ACVR1: variants seen among roughly 807,000 people sequenced by gnomAD.
The protein encoded by ACVR1 is activin A receptor type 1.
A neutral mutation model predicts 57.1 loss-of-function variants in ACVR1; 38 were observed. The ratio of observed to expected loss-of-function variants is 0.67; its 90% CI spans 0.51 to 0.87. ACVR1 has a LOEUF of 0.87. Ranked by LOEUF, ACVR1 falls within the 40% of genes least tolerant of loss-of-function variation. The probability of loss-of-function intolerance (pLI) is 0.00; values close to 1 mark genes in which losing one functional copy is unlikely to be tolerated. For missense variants in ACVR1, 463 were observed against 638.2 expected (o/e 0.73, Z 2.96); for synonymous variants, 212 against 228.1 (o/e 0.93, Z 0.63).
intron 9 of ACVR1, among the ~76,000 whole-genome samples, chr2:157,741,989 A>G (rs538591226): frequency 1.1e-4 from 16 of 152,164 alleles, no homozygotes; most frequent in Non-Finnish European, 2.1e-4. Context: ...GGGCAAGGAC[A>G]GGAACTGACA....
rs764818005 is a variant in ACVR1, at chr2:157,780,480, A to G, written c.188T>C (p.Phe63Ser). 1.9e-6 allele frequency: 3 copies of G among 1,614,068 alleles called. No homozygotes were observed. The highest frequency in any genetic ancestry group is 2.5e-6 in the Non-Finnish European group (3 of 1,180,040). The change falls in exon 4 of 11, where the codon TTC becomes TCC. Residue 63 changes from phenylalanine (F) to serine (S), a missense_variant. Around this residue, in one of 3 missense-constraint regions of ACVR1, gnomAD observed 203 missense variants for 235.5 expected, o/e 0.86. Transcript: ENST00000434821. ...GAAGCAGCCTTTCTGGTAGACGTGG[A>G]AGCCATCGTTGATGCTCAGTGAGGA... ...CFSSLSINDG[F>S]HVYQKGCFQV...
At chr2:157,867,530 C>T (rs1038087170) in intron 1 of ACVR1, among the ~76,000 whole-genome samples, 3 of 152,212 alleles carry the variant, frequency 2.0e-5, no homozygotes, top group Non-Finnish European at 4.4e-5. Context: ...ACATCTCCCT[C>T]AGACAGACAT....
chr2:157,738,035 A>G (rs1408095446), intron 10 of ACVR1, among the ~76,000 whole-genome samples: 6 of 152,234 alleles, frequency 3.9e-5, no homozygotes, highest in Non-Finnish European at 7.3e-5. Context: ...ACTTATGAGT[A>G]GCAATACAGG....
chr2:157,780,510 C>T lies in ACVR1; in HGVS notation c.158G>A (p.Cys53Tyr). ...GNEDHCEGQQ[C>Y]FSSLSINDGF... ...ATCGTTGATGCTCAGTGAGGAAAAG[C>T]ACTGCTGGCCTTCACAGTGGTCCTC... is the stretch of plus-strand genomic sequence containing the variant. Residue 53 changes from cysteine to tyrosine, a missense_variant, in exon 4 of 11, where the codon TGC becomes TAC. Coordinates refer to ENST00000434821, the MANE Select transcript of ACVR1 (RefSeq NM_001111067.4). 6.2e-7 allele frequency: 1 copy of T among 1,614,014 alleles called. No homozygotes were observed. Among genetic ancestry groups the T allele is most frequent in the Non-Finnish European group, 8.5e-7 (1 of 1,180,018 alleles).
In ACVR1 at chr2:157,767,876, T is replaced by C. The variant is rs7587106; in HGVS notation, c.791-1680A>G. On this transcript the variant is annotated intron_variant, in intron 7 of 10. Transcript: ENST00000434821. ...GTCCCCTATTTGATCATCATCATCA[T>C]CGGCAACCACAACAGAGGCAGCTAA... Among the ~76,000 whole-genome samples, 1,213 of 152,294 alleles carry C rather than the reference T, an allele frequency of 8.0e-3. 8 individuals carry two copies. Among genetic ancestry groups the C allele is most frequent in the African/African-American group, 0.026 (1,090 of 41,562 alleles).
intron 3 of ACVR1, among the ~76,000 whole-genome samples, chr2:157,787,585 T>A (rs928531534): frequency 6.6e-6 from 1 of 152,164 alleles, no homozygotes; most frequent in East Asian, 1.9e-4. Context: ...ATTCCTTGTT[T>A]AGTCTTAGGA....
At chr2:157,748,631 TAAAAA>T (rs796281012) in intron 9 of ACVR1, among the ~76,000 whole-genome samples, 1 of 141,308 alleles carries the variant, frequency 7.1e-6, no homozygotes, top group African/African-American at 2.6e-5. Context: ...ATGATTCCAT[TAAAAA>T]AAAAAAACAA....
chr2:157,766,825 T>C (rs994836319), intron 7 of ACVR1, among the ~76,000 whole-genome samples: 1 of 152,194 alleles, frequency 6.6e-6, no homozygotes, highest in African/African-American at 2.4e-5. Context: ...AGAAGACAGA[T>C]GTAAAAACGA....
chr2:157,861,739 C>T (rs776175300), intron 1 of ACVR1, among the ~76,000 whole-genome samples: 1 of 152,138 alleles, frequency 6.6e-6, no homozygotes, highest in Non-Finnish European at 1.5e-5. Flanking sequence ...TCACAGCTGT[C>T]AAAATCACGG....
chr2:157,754,155 C>T (rs1685325382), intron 9 of ACVR1, among the ~76,000 whole-genome samples: 1 of 152,088 alleles, frequency 6.6e-6, no homozygotes, highest in East Asian at 1.9e-4. Context: ...TACATCAAAA[C>T]ATCTGAAAGA....
chr2:157,829,946 G>A (rs1024317590), intron 1 of ACVR1, among the ~76,000 whole-genome samples: 23 of 152,204 alleles, frequency 1.5e-4, no homozygotes, highest in Admixed American at 7.2e-4. Flanking sequence ...TGGGCGCAGT[G>A]GCTCACGCCT....
chr2:157,782,970 G>A (rs1389574804), intron 3 of ACVR1, among the ~76,000 whole-genome samples: 1 of 152,116 alleles, frequency 6.6e-6, no homozygotes, highest in Non-Finnish European at 1.5e-5. Context: ...AATAAAGTAG[G>A]AGAGAGCTGT....
intron 9 of ACVR1, among the ~76,000 whole-genome samples, chr2:157,753,539 G>T (rs1380492680): frequency 6.6e-6 from 1 of 151,930 alleles, no homozygotes; most frequent in Non-Finnish European, 1.5e-5. Context: ...AAAAAAAGAA[G>T]CCTTGTCCAG....
At position 157,876,317 on chromosome 2, in the gene ACVR1, C is replaced by T. The variant is rs1335500586; in HGVS notation, c.-704G>A. On this transcript the variant is annotated 5_prime_UTR_variant, in exon 1 of 11. Coordinates refer to ENST00000434821, the MANE Select transcript of ACVR1 (RefSeq NM_001111067.4). The stretch of plus-strand genomic sequence containing the variant: ...GAGGGGGAGGCTGCGGCGGCGGCGG[C>T]GGCTGCAAAGAGCAGGAGCCGGAGC... Among the ~76,000 whole-genome samples, 1 of 150,236 alleles carries T rather than the reference C, an allele frequency of 6.7e-6. No individual in the cohort carries two copies. The highest frequency in any genetic ancestry group is 6.6e-5 in the Admixed American group (1 of 15,156).
At chr2:157,866,635 CTTAA>C (rs1197619449) in intron 1 of ACVR1, among the ~76,000 whole-genome samples, 1 of 152,074 alleles carries the variant, frequency 6.6e-6, no homozygotes, top group Non-Finnish European at 1.5e-5. Context: ...TCAGTTTTAC[CTTAA>C]TAAGGCTCAG....
At chr2:157,792,352 G>T (rs1372235708) in intron 3 of ACVR1, among the ~76,000 whole-genome samples, 1 of 152,180 alleles carries the variant, frequency 6.6e-6, no homozygotes, top group East Asian at 1.9e-4. Flanking sequence ...AGATTCAGCT[G>T]ATGAGAATCA....
At chr2:157,832,506 C>T (rs1396911846) in intron 1 of ACVR1, among the ~76,000 whole-genome samples, 1 of 152,050 alleles carries the variant, frequency 6.6e-6, no homozygotes, top group Non-Finnish European at 1.5e-5. Context: ...TGTGTCTGCT[C>T]CCAGAATTAT....
intron 3 of ACVR1, among the ~76,000 whole-genome samples, chr2:157,796,945 C>G (rs1265692130): frequency 6.6e-6 from 1 of 152,166 alleles, no homozygotes; most frequent in African/African-American, 2.4e-5. Flanking sequence ...TTTAACAACA[C>G]TGCTTAGAGT....
At position 157,783,082 on chromosome 2, in the gene ACVR1, G is replaced by A. The variant is rs892313458; in HGVS notation, c.68-2482C>T. On this transcript the variant is annotated intron_variant, in intron 3 of 10. Coordinates refer to ENST00000434821, the MANE Select transcript of ACVR1 (RefSeq NM_001111067.4). ...ACCAGCAACGCTAGACTAGAAGAGA[G>A]CCTGCTCATCATTGGTCCTAAATGG... 2.0e-5 allele frequency among the ~76,000 whole-genome samples: 3 copies of A among 152,192 alleles called. No individual in the cohort carries two copies. In the East Asian group the frequency reaches 5.8e-4, roughly 29 times the overall value.
Sources: gnomAD v4.1 joint callset for allele counts (sites outside exome capture counted in the v4.1 genomes callset) on GRCh38, gnomAD v4.1.1 for gene constraint, gnomAD v4.1.1 regional missense constraint, MANE v1.5 for transcripts, NCBI Gene and HGNC (gene_info 2026-07-23, HGNC 2026-07-21) for gene names.